The following LNX1 variants were observed in gnomAD, a reference collection of about 807,000 sequenced individuals.
The protein encoded by LNX1 is ligand of numb-protein X 1, also known as E3 ubiquitin-protein ligase LNX.
A neutral mutation model predicts 68.4 loss-of-function variants in LNX1; 54 were observed. That is an observed-to-expected ratio of 0.79 (90% CI 0.63 to 0.99). LNX1 has a LOEUF of 0.99. Ranked by LOEUF, LNX1 falls within the 50% of genes least tolerant of loss-of-function variation. The pLI is 0.00. For synonymous variants in LNX1, 336 were observed against 350.0 expected (o/e 0.96, Z 0.45); for missense variants, 906 against 926.4 (o/e 0.98, Z 0.29).
At chr4:53,499,260 G>A (rs1398038655) in intron 4 of LNX1, among the ~76,000 whole-genome samples, 3 of 152,140 alleles carry the variant, frequency 2.0e-5, no homozygotes. Flanking sequence ...CTGAGCTCAA[G>A]TGATCTTCCC....
At chr4:53,605,943 G>A (rs1172677079) in intron 2 of LNX1, among the ~76,000 whole-genome samples, 2 of 152,160 alleles carry the variant, frequency 1.3e-5, no homozygotes, top group African/African-American at 4.8e-5. Flanking sequence ...AAGAGGGATT[G>A]CTGGGTCATG....
intron 2 of LNX1, among the ~76,000 whole-genome samples, chr4:53,605,577 A>G (rs1366294685): frequency 6.6e-6 from 1 of 152,166 alleles, no homozygotes; most frequent in Non-Finnish European, 1.5e-5. Flanking sequence ...CTTGGCCTAC[A>G]TAACCCTGTC....
intron 2 of LNX1, among the ~76,000 whole-genome samples, chr4:53,547,375 AAGTG>A (rs1254871489): frequency 1.8e-4 from 28 of 152,330 alleles, no homozygotes; most frequent in Admixed American, 5.2e-4. Flanking sequence ...CCTGTGAGGT[AAGTG>A]TTATTCCCAT....
chr4:53,583,062 G>T (rs976111757), intron 1 of LNX1, among the ~76,000 whole-genome samples: 38 of 150,994 alleles, frequency 2.5e-4, no homozygotes, highest in African/African-American at 8.4e-4. Context: ...CTATCTTTCT[G>T]TATTAAACAA....
intron 2 of LNX1, among the ~76,000 whole-genome samples, chr4:53,532,394 G>C (rs977932764): frequency 7.2e-5 from 11 of 152,112 alleles, no homozygotes; most frequent in African/African-American, 2.7e-4. Context: ...AGAATCACTT[G>C]AATCTGGGAG....
intron 1 of LNX1, among the ~76,000 whole-genome samples, chr4:53,640,359 C>T (rs1235740179): frequency 2.0e-5 from 3 of 152,060 alleles, no homozygotes; most frequent in African/African-American, 7.2e-5. Context: ...GTGGAACAGG[C>T]CGAGATGCTT....
chr4:53,648,705 A>G (rs1009248155), intron 1 of LNX1, among the ~76,000 whole-genome samples: 2 of 152,198 alleles, frequency 1.3e-5, no homozygotes, highest in African/African-American at 2.4e-5. Context: ...AGCTCCAACA[A>G]TGGGGGCTGA....
upstream of LNX1, chr4:53,592,921 A>G (rs1732578219): frequency 6.6e-6 from 1 of 151,980 alleles, no homozygotes; most frequent in Non-Finnish European, 1.5e-5. Flanking sequence ...GCTCGACCTC[A>G]GGGGAGCTGG....
At chr4:53,637,383 C>T (rs1734520342) in intron 1 of LNX1, among the ~76,000 whole-genome samples, 1 of 151,832 alleles carries the variant, frequency 6.6e-6, no homozygotes, top group South Asian at 2.1e-4. Context: ...CATAGGGGTC[C>T]ATGGTGCAGC....
rs539401138 is a variant in LNX1 at position 53,470,042 on chromosome 4, A to G, written c.1892+6711T>C. ...AGCCGGGCAGAGACACAACAAAAAA[A>G]GAGAATTTGAGACCAATATCCTGGA... On this transcript the variant is annotated intron_variant, in intron 9 of 10. Transcript: ENST00000263925. Among the ~76,000 whole-genome samples the G allele has an allele frequency of 4.1e-4, 63 of 152,344 alleles. No individual in the cohort carries two copies. In the East Asian group the frequency reaches 0.012, roughly 29 times the overall value.
At chr4:53,553,782 C>G (rs1347990521) in intron 2 of LNX1, among the ~76,000 whole-genome samples, 1 of 152,182 alleles carries the variant, frequency 6.6e-6, no homozygotes, top group Non-Finnish European at 1.5e-5. Context: ...ACCAAATACT[C>G]TGGTTTTAGG....
At chr4:53,623,183 G>C (rs796527288) in intron 1 of LNX1, among the ~76,000 whole-genome samples, 20 of 149,592 alleles carry the variant, frequency 1.3e-4, no homozygotes, top group East Asian at 6.0e-4. Context: ...CTGAGGATGA[G>C]AGCGTTTGCG....
chr4:53,612,737 A>G (rs527710079), intron 2 of LNX1, among the ~76,000 whole-genome samples: 3 of 149,826 alleles, frequency 2.0e-5, no homozygotes, highest in African/African-American at 4.9e-5. Flanking sequence ...GGGTCTCGCT[A>G]TATTGGGTAT....
intron 6 of LNX1, among the ~76,000 whole-genome samples, chr4:53,484,044 T>C (rs948637705): frequency 4.6e-5 from 7 of 152,164 alleles, no homozygotes; most frequent in African/African-American, 1.7e-4. Context: ...TGTTTGCCCC[T>C]CTACCATGTA....
rs1182633890 is a variant in LNX1, at chr4:53,496,384, A to G, written c.989T>C (p.Met330Thr). ...PGDIILKVNGMDISNVPHNYA... is the reference protein window; with the variant it reads ...PGDIILKVNGTDISNVPHNYA... Reference sequence around the variant, plus strand: ...GTTGTGAGGGACATTGCTGATGTCCATCCCGTTGACCTGGGGGCAGGTGGA... The same window carrying G: ...GTTGTGAGGGACATTGCTGATGTCCGTCCCGTTGACCTGGGGGCAGGTGGA... The change falls in exon 6 of 11, where the codon ATG (methionine) becomes ACG (threonine). Residue 330 changes from methionine to threonine, a missense_variant. Met to Thr is a moderately conservative substitution (Grantham distance 81, BLOSUM62 -1). Transcript: ENST00000263925. The G allele has an allele frequency of 6.2e-7, 1 of 1,605,968 alleles. No individual in the cohort carries two copies. Among genetic ancestry groups the G allele is most frequent in the Non-Finnish European group, 8.5e-7 (1 of 1,174,548 alleles).
chr4:53,548,135 G>C (rs182362342), intron 2 of LNX1, among the ~76,000 whole-genome samples: 31 of 134,618 alleles, frequency 2.3e-4, no homozygotes, highest in African/African-American at 8.6e-4. Flanking sequence ...AAAAAAAAAA[G>C]TCGGGGGAAA....
At chr4:53,474,958 C>T (rs1165315258) in intron 9 of LNX1, among the ~76,000 whole-genome samples, 8 of 151,992 alleles carry the variant, frequency 5.3e-5, no homozygotes, top group African/African-American at 4.8e-5. Context: ...AGTAGAGATG[C>T]GGTTTTGCCA....
chr4:53,599,307 T>C (rs556234239), intron 2 of LNX1, among the ~76,000 whole-genome samples: 1 of 152,290 alleles, frequency 6.6e-6, no homozygotes, highest in South Asian at 2.1e-4. Context: ...AAAACCAAGA[T>C]GGCTATGTGA....
intron 4 of LNX1, among the ~76,000 whole-genome samples, chr4:53,506,984 C>T (rs375692745): frequency 9.3e-5 from 14 of 151,292 alleles, no homozygotes; most frequent in African/African-American, 3.2e-4. Flanking sequence ...GTAAGGAGAG[C>T]GAATATATAT....
Sources: allele counts gnomAD v4.1 joint callset (sites outside exome capture counted in the v4.1 genomes callset), GRCh38; gene constraint gnomAD v4.1.1; transcripts MANE v1.5; gene names NCBI Gene and HGNC (gene_info 2026-07-23, HGNC 2026-07-21).